KLHL1: variants seen among roughly 807,000 people sequenced by gnomAD.
KLHL1 encodes the protein kelch like family member 1.
Under a neutral mutation model 77.7 loss-of-function variants are expected in KLHL1, and 47 were observed. That is an observed-to-expected ratio of 0.60 (90% confidence interval 0.48 to 0.77). KLHL1 has a LOEUF of 0.77. KLHL1 is among the 30% of genes least tolerant of loss of function. The pLI is 0.00. For missense variants in KLHL1, 925 were observed against 910.8 expected (o/e 1.02, Z -0.20); for synonymous variants, 360 against 325.2 (o/e 1.11, Z -1.15).
Position 69,798,387 on chromosome 13 carries a change from C to T in KLHL1, c.1415-1425G>A, listed in dbSNP as rs532398348. Among the ~76,000 whole-genome samples the T allele has an allele frequency of 5.3e-5, 8 of 152,032 alleles. No individual in the cohort carries two copies. In the South Asian group the frequency reaches 8.3e-4, roughly 16 times the overall value. On this transcript the variant is annotated intron_variant, in intron 6 of 10. Transcript: ENST00000377844. Reference sequence around the variant, plus strand: ...GAAGTTTTGCTAATTAAAGTAAAAACGATACAATTTATGCTCAATTTTTAC... The same window carrying T: ...GAAGTTTTGCTAATTAAAGTAAAAATGATACAATTTATGCTCAATTTTTAC...
intron 7 of KLHL1, among the ~76,000 whole-genome samples, chr13:69,747,493 TAGAAC>T (rs575647995): frequency 2.6e-4 from 40 of 152,176 alleles, no homozygotes; most frequent in Middle Eastern, 3.4e-3. Flanking sequence ...GTAAAACACT[TAGAAC>T]AGAATCGGAT....
chr13:70,030,239 C>T (rs977074246), intron 1 of KLHL1, among the ~76,000 whole-genome samples: 5 of 152,078 alleles, frequency 3.3e-5, no homozygotes, highest in Admixed American at 6.6e-5. Context: ...CTGCACCAAG[C>T]GGACCTAATA....
chr13:70,051,697 A>T lies in KLHL1; in HGVS notation c.497+55506T>A, dbSNP rs140108385. Among the ~76,000 whole-genome samples the T allele has an allele frequency of 3.6e-3, 548 of 152,136 alleles. 4 individuals carry two copies. The highest frequency in any genetic ancestry group is 6.2e-3 in the Non-Finnish European group (421 of 67,886). ...TAAAGCAGCTGCAGGAACATTACTAAGACTAGATGTGTGGATGACTCAATT... is the reference window on the plus strand; with the variant it reads ...TAAAGCAGCTGCAGGAACATTACTATGACTAGATGTGTGGATGACTCAATT... On this transcript the variant is annotated intron_variant, in intron 1 of 10. Transcript: ENST00000377844.
intron 7 of KLHL1, among the ~76,000 whole-genome samples, chr13:69,769,107 T>A (rs376900306): frequency 6.6e-6 from 1 of 152,216 alleles, no homozygotes; most frequent in Non-Finnish European, 1.5e-5. Flanking sequence ...ACCCACTATG[T>A]ACCAGGAGTA....
chr13:69,847,082 T>C (rs1879491943), intron 5 of KLHL1, among the ~76,000 whole-genome samples: 1 of 151,448 alleles, frequency 6.6e-6, no homozygotes, highest in Admixed American at 6.6e-5. Context: ...CTTGTCATGA[T>C]TCTCTGCACT....
intron 4 of KLHL1, among the ~76,000 whole-genome samples, chr13:69,935,207 T>TACTGGTGAACTTGGTACATAGTTCACCC (rs149266875): frequency 0.46 from 53,718 of 117,434 alleles, 16,257 homozygotes; most frequent in Non-Finnish European, 0.54. Context: ...ACATAGTTGG[T>TACTGGTGAACTTGGTACATAGTTCACCC]ACTGGTGAAC....
rs569190817 is a variant in KLHL1 at position 70,100,817 on chromosome 13, A to G, written c.497+6386T>C. Among the ~76,000 whole-genome samples, 14 of 152,338 alleles carry G rather than the reference A, an allele frequency of 9.2e-5. No individual in the cohort carries two copies. In the South Asian group the frequency reaches 1.2e-3, roughly 14 times the overall value. On this transcript the variant is annotated intron_variant, in intron 1 of 10. Coordinates refer to ENST00000377844, the MANE Select transcript of KLHL1 (RefSeq NM_020866.3). Reference sequence around the variant, plus strand: ...AAACTTCAGACCATTTGTTTTTTACAACTACCACAAACATACCTAAAATTA... The same window carrying G: ...AAACTTCAGACCATTTGTTTTTTACGACTACCACAAACATACCTAAAATTA...
intron 1 of KLHL1, among the ~76,000 whole-genome samples, chr13:69,983,939 A>G (rs964830339): frequency 6.6e-6 from 1 of 152,096 alleles, no homozygotes; most frequent in African/African-American, 2.4e-5. Flanking sequence ...TGATGCTTGG[A>G]AAACTGGATA....
At chr13:69,935,532 C>CAT (rs1301152265) in intron 4 of KLHL1, among the ~76,000 whole-genome samples, 1 of 152,020 alleles carries the variant, frequency 6.6e-6, no homozygotes, top group Non-Finnish European at 1.5e-5. Flanking sequence ...GGTACTGGCA[C>CAT]ATAACATGGA....
chr13:69,894,814 G>A lies in KLHL1; in HGVS notation c.1015-12319C>T, dbSNP rs146956538. ...CAAATTCCTTAATTTCTGGGATTTG[G>A]TTGGCCAATCCTCCAAATTGGCATA... On this transcript the variant is annotated intron_variant, in intron 4 of 10. Coordinates refer to ENST00000377844, the MANE Select transcript of KLHL1 (RefSeq NM_020866.3). 1,888 of 233,256 alleles carry A rather than the reference G, an allele frequency of 8.1e-3. 15 individuals are homozygous for A. The highest frequency in any genetic ancestry group is 0.04 in the Middle Eastern group (23 of 578). The allele number at this position is 233,256 out of a possible 1,614,324, so 14.4% of individuals were successfully genotyped here. A position where few individuals can be genotyped will look rare whatever the true frequency, so the allele number is the denominator to read the frequency against.
chr13:69,775,948 C>T (rs538054316), intron 7 of KLHL1, among the ~76,000 whole-genome samples: 18 of 151,586 alleles, frequency 1.2e-4, no homozygotes, highest in East Asian at 3.9e-4. Flanking sequence ...GTCAGGAGAT[C>T]GAGAACATCC....
intron 1 of KLHL1, among the ~76,000 whole-genome samples, chr13:70,088,335 G>C (rs956626237): frequency 6.6e-6 from 1 of 152,070 alleles, no homozygotes. Context: ...CTTCCTCATA[G>C]GAGAGCTTTG....
At chr13:70,007,353 C>G (rs1885430015) in intron 1 of KLHL1, among the ~76,000 whole-genome samples, 1 of 151,316 alleles carries the variant, frequency 6.6e-6, no homozygotes, top group Non-Finnish European at 1.5e-5. Context: ...CTCATACACA[C>G]AAATACATAT....
intron 4 of KLHL1, among the ~76,000 whole-genome samples, chr13:69,904,107 A>T (rs887299342): frequency 6.6e-6 from 1 of 152,066 alleles, no homozygotes; most frequent in Non-Finnish European, 1.5e-5. Flanking sequence ...TTTGAACACT[A>T]AAGTGATCTT....
At chr13:69,942,975 C>T (rs192999332) in intron 3 of KLHL1, among the ~76,000 whole-genome samples, 2 of 152,196 alleles carry the variant, frequency 1.3e-5, no homozygotes, top group Admixed American at 1.3e-4. Flanking sequence ...AACTGTTCCT[C>T]TGCCATTTTT....
At chr13:70,071,823 G>T (rs1280235698) in intron 1 of KLHL1, among the ~76,000 whole-genome samples, 1 of 151,996 alleles carries the variant, frequency 6.6e-6, no homozygotes, top group East Asian at 1.9e-4. Flanking sequence ...TCAAAGCATG[G>T]AATACAGTAC....
At chr13:69,881,277 G>A (rs1366024411) in intron 5 of KLHL1, among the ~76,000 whole-genome samples, 1 of 151,488 alleles carries the variant, frequency 6.6e-6, no homozygotes, top group Non-Finnish European at 1.5e-5. Flanking sequence ...CTTAATATAT[G>A]ACCATAAATC....
intron 4 of KLHL1, among the ~76,000 whole-genome samples, chr13:69,898,023 G>A (rs781726277): frequency 2.6e-4 from 39 of 152,280 alleles, no homozygotes; most frequent in Admixed American, 1.1e-3. Context: ...AAGATTGACC[G>A]GTAGAAAGTG....
At chr13:69,807,026 A>T in intron 6 of KLHL1, among the ~76,000 whole-genome samples, 1 of 152,180 alleles carries the variant, frequency 6.6e-6, no homozygotes, top group Non-Finnish European at 1.5e-5. Context: ...TCCAGGCCCA[A>T]GATGTCATTT....
Sources: gnomAD v4.1 joint callset for allele counts (sites outside exome capture counted in the v4.1 genomes callset) on GRCh38, gnomAD v4.1.1 for gene constraint, MANE v1.5 for transcripts, NCBI Gene and HGNC (gene_info 2026-07-23, HGNC 2026-07-21) for gene names.